LONRF2: variants seen among roughly 807,000 people sequenced by gnomAD.
The protein encoded by LONRF2 is LON peptidase N-terminal domain and RING finger protein 2.
In LONRF2, 35 loss-of-function variants were observed where a neutral mutation model predicts 66.6. The ratio of observed to expected loss-of-function variants is 0.53; its 90% CI spans 0.40 to 0.70. The LOEUF (loss-of-function observed/expected upper bound fraction) is 0.70. Among genes scored for constraint, LONRF2 ranks in the 30% least tolerant of loss-of-function variants. The pLI, the probability that LONRF2 is intolerant of heterozygous loss-of-function variation, is 0.00. For synonymous variants in LONRF2, 417 were observed against 418.1 expected, an observed-to-expected ratio of 1.00 and a Z score of 0.03; for missense variants, 902 against 1,002.1, an observed-to-expected ratio of 0.90 and a Z score of 1.35.
At position 100,282,982 on chromosome 2, in the gene LONRF2, A is replaced by T. The variant is rs1031258475; in HGVS notation, c.*1316T>A. 3.9e-5 allele frequency: 6 copies of T among 152,186 alleles called. No homozygotes were observed. Among genetic ancestry groups the T allele is most frequent in the Non-Finnish European group, 8.8e-5 (6 of 68,040 alleles). The allele number at this position is 152,186 out of a possible 1,614,324, so 9.4% of individuals were successfully genotyped here. On this transcript the variant is annotated 3_prime_UTR_variant, in exon 12 of 12. Transcript: ENST00000393437. ...ATTTTAAAACTAAAAAATCACCTTC[A>T]ATGAACAAAGCAAAACTTGCAGCTG...
In LONRF2 at chr2:100,272,181, T is replaced by G. The variant is rs542186490; in HGVS notation, c.*12117A>C. Among the ~76,000 whole-genome samples, 2 of 152,334 alleles carry G rather than the reference T, an allele frequency of 1.3e-5. No homozygotes were observed. Among genetic ancestry groups the G allele is most frequent in the East Asian group, 3.9e-4 (2 of 5,190 alleles). On this transcript the variant is annotated 3_prime_UTR_variant, in exon 12 of 12. Coordinates refer to ENST00000393437, the MANE Select transcript of LONRF2 (RefSeq NM_198461.4). ...CTCTCTTTAGTAACCAACACAAGATTGTCCTAAGAAGAAAAAGATGATCAA... is the reference window on the plus strand; with the variant it reads ...CTCTCTTTAGTAACCAACACAAGATGGTCCTAAGAAGAAAAAGATGATCAA...
In LONRF2 at chr2:100,284,447, G is replaced by A; in HGVS notation, c.2116C>T (p.Leu706=). Residue 706 remains leucine (L), a synonymous_variant, in exon 12 of 12, where the codon CTG becomes TTG. Coordinates refer to ENST00000393437, the MANE Select transcript of LONRF2 (RefSeq NM_198461.4). ...PAWSWWILAV[L]PLERKAQLAI... ...AGCTGAGCCTTGCGCTCCAGGGGCAGCACGGCCAGGATCCACCAGGACCAG... is the reference window on the plus strand; with the variant it reads ...AGCTGAGCCTTGCGCTCCAGGGGCAACACGGCCAGGATCCACCAGGACCAG... The A allele has an allele frequency of 6.2e-7, 1 of 1,608,702 alleles. No individual in the cohort carries two copies. The highest frequency in any genetic ancestry group is 8.5e-7 in the Non-Finnish European group (1 of 1,177,882).
At position 100,276,922 on chromosome 2, in the gene LONRF2, G is replaced by A. The variant is rs1171664899; in HGVS notation, c.*7376C>T. ...CATGGCACACAATGTCTGCAGACAG[G>A]GTCTTCACCACATCCGCCTTCTCCA... is the stretch of plus-strand genomic sequence containing the variant. On this transcript the variant is annotated 3_prime_UTR_variant, in exon 12 of 12. Coordinates refer to ENST00000393437, the MANE Select transcript of LONRF2 (RefSeq NM_198461.4). 1 of 152,136 alleles carries A rather than the reference G, an allele frequency of 6.6e-6. No homozygotes were observed. Among genetic ancestry groups the A allele is most frequent in the African/African-American group, 2.4e-5 (1 of 41,420 alleles). The allele number at this position is 152,136 out of a possible 1,614,324, so 9.4% of individuals were successfully genotyped here.
intron 1 of LONRF2, among the ~76,000 whole-genome samples, chr2:100,310,868 T>C (rs999386504): frequency 2.0e-5 from 3 of 152,186 alleles, no homozygotes; most frequent in South Asian, 4.1e-4. Context: ...ATTTAAAATA[T>C]GGTAACAATA....
chr2:100,309,300 T>G, intron 1 of LONRF2, 75 bp from the exon 2 acceptor site: 1 of 820,430 alleles, frequency 1.2e-6, no homozygotes, highest in Non-Finnish European at 2.0e-6. Context: ...TCATTACATA[T>G]ATTAAAGTGT....
chr2:100,300,324 A>C (rs1675160203), intron 4 of LONRF2, among the ~76,000 whole-genome samples: 1 of 152,048 alleles, frequency 6.6e-6, no homozygotes, highest in African/African-American at 2.4e-5. Flanking sequence ...ATATGTATAC[A>C]TGTGCCATGT....
chr2:100,292,711 G>A (rs1169386408), intron 9 of LONRF2, among the ~76,000 whole-genome samples: 1 of 151,994 alleles, frequency 6.6e-6, no homozygotes, highest in African/African-American at 2.4e-5. Context: ...CCTCTGTTAT[G>A]TATTCTCAGC....
rs200097853 is a variant in LONRF2 at position 100,309,195 on chromosome 2, C to T, written c.710G>A (p.Arg237Gln). ...CTTCATGGTCAAATATAACTCCGCC[C>T]GCAGCAGCAATAATGAATTATCATC... ...APDDNSLLLLRAELYLTMKNY... is the reference protein window; with the variant it reads ...APDDNSLLLLQAELYLTMKNY... The change falls in exon 2 of 12, where the codon CGG becomes CAG. Residue 237 changes from arginine (R) to glutamine (Q), a missense_variant. This residue lies in a region of LONRF2 where 585 missense variants were observed against 569.9 expected (regional missense o/e 1.03). Transcript: ENST00000393437. 9 of 1,607,060 alleles carry T rather than the reference C, an allele frequency of 5.6e-6. No individual in the cohort carries two copies. The highest frequency in any genetic ancestry group is 2.7e-5 in the African/African-American group (2 of 74,714).
chr2:100,301,548 C>G (rs980030141), intron 3 of LONRF2, among the ~76,000 whole-genome samples: 3 of 152,264 alleles, frequency 2.0e-5, no homozygotes, highest in Admixed American at 6.5e-5. Context: ...ATGTCCTCAG[C>G]CCCAGCTCTG....
intron 1 of LONRF2, among the ~76,000 whole-genome samples, chr2:100,312,531 C>T (rs947522020): frequency 3.9e-5 from 6 of 152,284 alleles, no homozygotes; most frequent in African/African-American, 7.2e-5. Context: ...ATTTCATTTA[C>T]ATTTATTTTT....
At chr2:100,298,697 T>G in intron 7 of LONRF2, 139 bp downstream of exon 7, 12 of 616,514 alleles carry the variant, frequency 1.9e-5, no homozygotes, top group Non-Finnish European at 2.6e-5. Flanking sequence ...ATCAAAGAGA[T>G]GAGAAAAGAC....
intron 4 of LONRF2, 50 bp from the exon 5 acceptor site, chr2:100,299,968 A>G (rs1675147289): frequency 1.7e-6 from 2 of 1,193,978 alleles, no homozygotes; most frequent in Admixed American, 2.1e-5. Flanking sequence ...AAATCATAGC[A>G]TAAGAGAAAA....
At chr2:100,317,115 A>C (rs1455638177) in intron 1 of LONRF2, among the ~76,000 whole-genome samples, 1 of 152,138 alleles carries the variant, frequency 6.6e-6, no homozygotes, top group East Asian at 1.9e-4. Flanking sequence ...CACTTAATCC[A>C]ATCTGCCAAC....
At chr2:100,318,840 AAAAAG>A (rs1193384354) in intron 1 of LONRF2, among the ~76,000 whole-genome samples, 4 of 150,958 alleles carry the variant, frequency 2.6e-5, no homozygotes, top group Non-Finnish European at 4.4e-5. Flanking sequence ...TCAAAAAAAA[AAAAAG>A]AAAAGGCCAG....
intron 2 of LONRF2, among the ~76,000 whole-genome samples, chr2:100,306,255 C>T (rs1224131668): frequency 6.6e-6 from 1 of 150,430 alleles, no homozygotes; most frequent in Non-Finnish European, 1.5e-5. Context: ...GCTAGGGCCC[C>T]TTTCAGGCCT....
intron 1 of LONRF2, among the ~76,000 whole-genome samples, chr2:100,319,493 C>A (rs1236988733): frequency 1.3e-5 from 2 of 152,182 alleles, no homozygotes; most frequent in African/African-American, 2.4e-5. Flanking sequence ...TCTCATACTT[C>A]CTCACAATCA....
chr2:100,307,934 A>C (rs2105731621), intron 2 of LONRF2, among the ~76,000 whole-genome samples: 1 of 123,896 alleles, frequency 8.1e-6, no homozygotes, highest in Non-Finnish European at 1.7e-5. Context: ...TTGAAATTGG[A>C]GTCTAAACTT....
At chr2:100,313,087 G>T (rs1403576215) in intron 1 of LONRF2, among the ~76,000 whole-genome samples, 1 of 152,186 alleles carries the variant, frequency 6.6e-6, no homozygotes, top group Non-Finnish European at 1.5e-5. Flanking sequence ...TCGACCAAAG[G>T]CTGTTTTCCA....
intron 1 of LONRF2, among the ~76,000 whole-genome samples, chr2:100,312,687 C>T (rs748196197): frequency 2.8e-4 from 42 of 152,186 alleles, no homozygotes; most frequent in Non-Finnish European, 5.1e-4. Context: ...CTTCTCATCT[C>T]GACACTGAAT....
Sources: allele counts gnomAD v4.1 joint callset (sites outside exome capture counted in the v4.1 genomes callset), GRCh38; gene constraint gnomAD v4.1.1; regional missense constraint gnomAD v4.1.1; transcripts MANE v1.5; gene names NCBI Gene and HGNC (gene_info 2026-07-23, HGNC 2026-07-21).